CNN1: variants seen among roughly 807,000 people sequenced by gnomAD.
The protein encoded by CNN1 is calponin-1.
In CNN1, 21 loss-of-function variants were observed where a neutral mutation model predicts 35.3. The observed-to-expected ratio is 0.60, with a 90% CI of 0.42 to 0.86. The LOEUF is 0.86. Among genes scored for constraint, CNN1 ranks in the 40% least tolerant of loss-of-function variants. The probability of loss-of-function intolerance (pLI) is 0.00; values close to 1 mark genes in which losing one functional copy is unlikely to be tolerated. For synonymous variants in CNN1, 164 were observed against 161.8 expected, an observed-to-expected ratio of 1.01 and a Z score of -0.10; for missense variants, 314 against 400.8, an observed-to-expected ratio of 0.78 and a Z score of 1.85.
chr19:11,540,953 C>T, intron 1 of CNN1, 123 bp from the exon 2 acceptor site: 5 of 1,121,968 alleles, frequency 4.5e-6, no homozygotes, highest in Non-Finnish European at 6.0e-6. Context: ...GCAAAATTGC[C>T]TTAGTTGGGA....
chr19:11,546,558 T>C (rs1972588562), intron 2 of CNN1, 117 bp from the exon 3 acceptor site: 6 of 1,010,308 alleles, frequency 5.9e-6, no homozygotes, highest in South Asian at 2.8e-5. Context: ...ATAGTCTCGC[T>C]CTCCTGACCT....
In CNN1 at chr19:11,549,998, ACAGGGT is replaced by A. The variant is rs1316586332; in HGVS notation, c.*205_*210del. ...AGGGGACCCTCCGCTCTGTAGTGCT[ACAGGGT>A]CCAACATAGAGCCGGGTGTCCCCAA... is the stretch of plus-strand genomic sequence containing the variant. On this transcript the variant is annotated 3_prime_UTR_variant, in exon 7 of 7. Coordinates refer to ENST00000252456, the MANE Select transcript of CNN1 (RefSeq NM_001299.6). This position sits in a 1 kb window ranked among gnomAD's most constrained non-coding sequence, Gnocchi z 5.2. 1 of 699,924 alleles carries A rather than the reference ACAGGGT, an allele frequency of 1.4e-6. No homozygotes were observed. The highest frequency in any genetic ancestry group is 2.1e-5 in the South Asian group (1 of 48,500). The allele number at this position is 699,924 out of a possible 1,614,324, so 43.4% of individuals were successfully genotyped here.
At position 11,549,876 on chromosome 19, in the gene CNN1, CCT is replaced by C; in HGVS notation, c.*85_*86del. On this transcript the variant is annotated 3_prime_UTR_variant, in exon 7 of 7. Coordinates refer to ENST00000252456, the MANE Select transcript of CNN1 (RefSeq NM_001299.6). This position sits in a 1 kb window ranked among gnomAD's most constrained non-coding sequence, Gnocchi z 5.2. ...GGACCCAGCCAGGCCCAGCCGACCC[CCT>C]CTCCCTGCATGGCATCCTCCAGCCC... is the stretch of plus-strand genomic sequence containing the variant. The C allele has an allele frequency of 1.3e-6, 2 of 1,524,938 alleles. No homozygotes were observed. Among genetic ancestry groups the C allele is most frequent in the Non-Finnish European group, 1.8e-6 (2 of 1,129,358 alleles). The allele number at this position is 1,524,938 out of a possible 1,614,324, so 94.5% of individuals were successfully genotyped here. A position where few individuals can be genotyped will look rare whatever the true frequency, so the allele number is the denominator to read the frequency against.
chr19:11,549,945 C>A lies in CNN1; in HGVS notation c.*150C>A. 8.2e-7 allele frequency: 1 copy of A among 1,219,562 alleles called. No individual in the cohort carries two copies. Among genetic ancestry groups the A allele is most frequent in the Non-Finnish European group, 1.1e-6 (1 of 883,942 alleles). The allele number at this position is 1,219,562 out of a possible 1,614,324, so 75.5% of individuals were successfully genotyped here. A position where few individuals can be genotyped will look rare whatever the true frequency, so the allele number is the denominator to read the frequency against. ...CTACAGGGTTAGAGTTTGGAGAGAG[C>A]AGACTGGCGGGGGGCCCATTGGGGG... On this transcript the variant is annotated 3_prime_UTR_variant, in exon 7 of 7. Transcript: ENST00000252456. The surrounding 1 kb of genome is among the most constrained non-coding windows in gnomAD (Gnocchi z 5.2).
intron 2 of CNN1, among the ~76,000 whole-genome samples, chr19:11,544,667 T>C (rs113259790): frequency 6.8e-6 from 1 of 146,946 alleles, no homozygotes; most frequent in Non-Finnish European, 1.5e-5. Context: ...TTCGGGTTTT[T>C]TTTTTTTTTT....
Position 11,549,143 on chromosome 19 carries a change from A to G in CNN1, c.502-180A>G, listed in dbSNP as rs887761426. Among the ~76,000 whole-genome samples, 9 of 151,596 alleles carry G rather than the reference A, an allele frequency of 5.9e-5. No individual in the cohort carries two copies. The highest frequency in any genetic ancestry group is 2.2e-4 in the African/African-American group (9 of 41,264). On this transcript the variant is annotated intron_variant, in intron 5 of 6. Transcript: ENST00000252456. The surrounding 1 kb of genome is among the most constrained non-coding windows in gnomAD (Gnocchi z 5.2). ...ATGGAGATTTCAGTGAGCTGAGATC[A>G]TGTCACTGCACTCCAGCCTGGGCAA...
At chr19:11,547,975 T>C in intron 5 of CNN1, 68 bp downstream of exon 5, 1 of 1,277,752 alleles carries the variant, frequency 7.8e-7, no homozygotes, top group Non-Finnish European at 1.1e-6. Flanking sequence ...CTGAAGGCTT[T>C]TGGGGACAGG....
chr19:11,549,114 C>T lies in CNN1; in HGVS notation c.502-209C>T, dbSNP rs1490106096. Among the ~76,000 whole-genome samples, 2 of 150,738 alleles carry T rather than the reference C, an allele frequency of 1.3e-5. No individual in the cohort carries two copies. Among genetic ancestry groups the T allele is most frequent in the Non-Finnish European group, 3.0e-5 (2 of 67,796 alleles). ...GAGGCAGGAGAATTGCTTGAATGTG[C>T]AAGATGGAGATTTCAGTGAGCTGAG... On this transcript the variant is annotated intron_variant, in intron 5 of 6. Coordinates refer to ENST00000252456, the MANE Select transcript of CNN1 (RefSeq NM_001299.6). The surrounding 1 kb of genome is among the most constrained non-coding windows in gnomAD (Gnocchi z 5.2).
Position 11,547,923 on chromosome 19 carries a change from C to T in CNN1, c.501+16C>T. 2 of 1,606,522 alleles carry T rather than the reference C, an allele frequency of 1.2e-6. No homozygotes were observed. The highest frequency in any genetic ancestry group is 1.7e-5 in the Admixed American group (1 of 59,316). On this transcript the variant is annotated intron_variant, in intron 5 of 6. Coordinates refer to ENST00000252456, the MANE Select transcript of CNN1 (RefSeq NM_001299.6). ...TGGGCTGCAGGTACCGCCCTGTCCT[C>T]ACTGCGCAGAGGTCATAGAGGCCAG...
At chr19:11,546,244 G>A (rs8105597) in intron 2 of CNN1, among the ~76,000 whole-genome samples, 8,772 of 152,272 alleles carry the variant, frequency 0.058, 827 homozygotes, top group African/African-American at 0.2. Context: ...ACTGCAGGGA[G>A]AAGTGACGCT....
intron 1 of CNN1, chr19:11,539,632 T>C: frequency 2.7e-6 from 2 of 728,430 alleles, no homozygotes; most frequent in South Asian, 2.9e-5. Context: ...TTCTCCCAGC[T>C]GGAGAACTTT....
Position 11,550,075 on chromosome 19 carries a change from C to A in CNN1, c.*280C>A. Reference sequence around the variant, plus strand: ...GAGCAACGCTATTCCAGCTGTCCCCCCACTCCCTCACAAGTGGGTACCCCC... The same window carrying A: ...GAGCAACGCTATTCCAGCTGTCCCCACACTCCCTCACAAGTGGGTACCCCC... On this transcript the variant is annotated 3_prime_UTR_variant, in exon 7 of 7. Coordinates refer to ENST00000252456, the MANE Select transcript of CNN1 (RefSeq NM_001299.6). The A allele has an allele frequency of 2.9e-6, 1 of 348,954 alleles. No individual in the cohort carries two copies. The highest frequency in any genetic ancestry group is 5.2e-6 in the Non-Finnish European group (1 of 194,004). The allele number at this position is 348,954 out of a possible 1,614,324, so 21.6% of individuals were successfully genotyped here. A position where few individuals can be genotyped will look rare whatever the true frequency, so the allele number is the denominator to read the frequency against.
rs967135789 is a variant in CNN1 at position 11,541,131 on chromosome 19, G to C, written c.119G>C (p.Gly40Ala). 6.2e-7 allele frequency: 1 copy of C among 1,609,552 alleles called. No homozygotes were observed. Among genetic ancestry groups the C allele is most frequent in the Non-Finnish European group, 8.5e-7 (1 of 1,177,766 alleles). ...REQELREWIE[G>A]VTGRRIGNNF... Reference sequence around the variant, plus strand: ...CAGGAGCTGAGAGAGTGGATCGAGGGGGTGACAGGCCGTCGCATCGGCAAC... The same window carrying C: ...CAGGAGCTGAGAGAGTGGATCGAGGCGGTGACAGGCCGTCGCATCGGCAAC... The change falls in exon 2 of 7, where the codon GGG becomes GCG. Residue 40 changes from glycine to alanine, a missense_variant. Gly to Ala is a moderately conservative substitution (Grantham distance 60, BLOSUM62 0). Coordinates refer to ENST00000252456, the MANE Select transcript of CNN1 (RefSeq NM_001299.6).
intron 1 of CNN1, 55 bp from the exon 2 acceptor site, chr19:11,541,020 GC>G (rs1972449506): frequency 1.3e-6 from 2 of 1,522,046 alleles, no homozygotes; most frequent in Non-Finnish European, 8.8e-7. Context: ...AGCCCAGGCT[GC>G]CCCCAATGCA....
chr19:11,539,220 G>A, intron 1 of CNN1: 5 of 1,266,268 alleles, frequency 3.9e-6, no homozygotes, highest in Non-Finnish European at 3.0e-6. Flanking sequence ...AAACAGAGGG[G>A]GTCAGTCCAT....
chr19:11,546,602 G>A (rs1228468381), intron 2 of CNN1, 73 bp from the exon 3 acceptor site: 3 of 1,541,196 alleles, frequency 1.9e-6, no homozygotes, highest in East Asian at 4.5e-5. Flanking sequence ...CCAAAGTGCT[G>A]GGATTACAGG....
At chr19:11,548,442 A>G (rs146843512) in intron 5 of CNN1, among the ~76,000 whole-genome samples, 3,067 of 152,306 alleles carry the variant, frequency 0.02, 63 homozygotes, top group Admixed American at 0.051. Context: ...CCAGCTACTT[A>G]GGAGGCTGAA....
chr19:11,549,408 A>G lies in CNN1; in HGVS notation c.587A>G (p.Asp196Gly). Residue 196 changes from aspartate (D) to glycine (G), a missense_variant, in exon 6 of 7, where the codon GAC becomes GGC. Asp to Gly is a moderately conservative substitution (Grantham distance 94, BLOSUM62 -1). Transcript: ENST00000252456. This position sits in a 1 kb window ranked among gnomAD's most constrained non-coding sequence, Gnocchi z 5.2. The part of the protein sequence containing the change: ...RHLYDPKLGT[D>G]QPLDQATISL... ...CTCTACGACCCCAAGCTGGGCACAGACCAGCCTCTGGACCAGGCGACCATC... is the reference window on the plus strand; with the variant it reads ...CTCTACGACCCCAAGCTGGGCACAGGCCAGCCTCTGGACCAGGCGACCATC... 1 of 1,612,344 alleles carries G rather than the reference A, an allele frequency of 6.2e-7. No homozygotes were observed.
rs1972691490 is a variant in CNN1 at position 11,550,099 on chromosome 19, C to G, written c.*304C>G. 1 of 297,844 alleles carries G rather than the reference C, an allele frequency of 3.4e-6. No homozygotes were observed. Among genetic ancestry groups the G allele is most frequent in the African/African-American group, 2.2e-5 (1 of 46,130 alleles). 18.5% of individuals were successfully genotyped at this position (297,844 alleles called of 1,614,324 possible). A position where few individuals can be genotyped will look rare whatever the true frequency, so the allele number is the denominator to read the frequency against. ...CCCACTCCCTCACAAGTGGGTACCC[C>G]CAGGACCAGAAGCTCCCCCAGCAAA... On this transcript the variant is annotated 3_prime_UTR_variant, in exon 7 of 7. Coordinates refer to ENST00000252456, the MANE Select transcript of CNN1 (RefSeq NM_001299.6).
Sources: gnomAD v4.1 joint callset for allele counts (sites outside exome capture counted in the v4.1 genomes callset) on GRCh38, gnomAD v4.1.1 for gene constraint, Gnocchi (gnomAD v3.1) non-coding constraint, MANE v1.5 for transcripts, NCBI Gene and HGNC (gene_info 2026-07-23, HGNC 2026-07-21) for gene names.